NBPF11: variants seen among roughly 807,000 people sequenced by gnomAD.
NBPF11 encodes the protein NBPF member 11, also known as NBPF family member NBPF11.
NBPF11 carries 72 observed loss-of-function variants against 93.9 expected under a neutral mutation model. That is an observed-to-expected ratio of 0.77 (90% CI 0.63 to 0.93). NBPF11 has a LOEUF of 0.93. NBPF11 is among the 40% of genes least tolerant of loss of function. NBPF11 has a pLI of 0.00. For missense variants in NBPF11, 705 were observed against 802.2 expected, an observed-to-expected ratio of 0.88 and a Z score of 1.46; for synonymous variants, 224 against 304.9, an observed-to-expected ratio of 0.73 and a Z score of 2.76.
At chr1:148,149,788 TA>T (rs55994625) in intron 1 of NBPF11, among the ~76,000 whole-genome samples, 6,011 of 136,230 alleles carry the variant, frequency 0.044, 273 homozygotes, top group African/African-American at 0.11. Flanking sequence ...GATTTAAAAT[TA>T]AAAAAAAAAA....
intron 16 of NBPF11, 54 bp from the exon 17 acceptor site, chr1:148,109,389 CA>C (rs1664708796): frequency 1.1e-6 from 1 of 902,710 alleles, no homozygotes; most frequent in African/African-American, 1.7e-5. Flanking sequence ...TCCTTGCACA[CA>C]GAAACATTCC....
chr1:148,132,130 ATATG>A (rs1443032520), intron 4 of NBPF11, among the ~76,000 whole-genome samples: 1 of 139,658 alleles, frequency 7.2e-6, no homozygotes, highest in African/African-American at 2.8e-5. Context: ...TGCAATATAT[ATATG>A]TGTGTGTGTG....
rs1663576732 is a variant in NBPF11, at chr1:148,106,225, T to A, written c.2259A>T (p.Lys753Asn). Reference protein sequence around the residue: ...LGLALDVDRIKKDQEEEEDQG... With the variant: ...LGLALDVDRINKDQEEEEDQG... ...GGTCTTCTTCCTCTTCTTGGTCCTT[T>A]TTAATTCCTGCAATACATTCAGACA... The change falls in exon 21 of 24, where the codon AAA becomes AAT. Residue 753 changes from lysine (K) to asparagine (N), a missense_variant. Coordinates refer to ENST00000682118, the MANE Select transcript of NBPF11 (RefSeq NM_001385469.3). 3 of 840,464 alleles carry A rather than the reference T, an allele frequency of 3.6e-6. No individual in the cohort carries two copies. The African/African-American group carries it at 5.1e-5, about 14-fold the overall frequency. 52.1% of individuals were successfully genotyped at this position (840,464 alleles called of 1,614,324 possible).
intron 11 of NBPF11, 116 bp from the exon 12 acceptor site, chr1:148,117,902 A>T: frequency 6.6e-6 from 4 of 601,708 alleles, no homozygotes; most frequent in Non-Finnish European, 1.2e-5. Flanking sequence ...GCAGAAGGTC[A>T]GCACATGTTG....
intron 1 of NBPF11, among the ~76,000 whole-genome samples, chr1:148,146,093 C>T (rs1314788509): frequency 7.2e-5 from 11 of 151,902 alleles, no homozygotes; most frequent in African/African-American, 9.7e-5. Context: ...GACCGACGGA[C>T]GCACGGGCGG....
intron 8 of NBPF11, 56 bp downstream of exon 8, chr1:148,122,673 C>T: frequency 1.9e-6 from 3 of 1,601,464 alleles, no homozygotes; most frequent in Non-Finnish European, 2.6e-6. Flanking sequence ...GGGCGTGCCT[C>T]CTAGACATTT....
chr1:148,105,332 C>A (rs1416650594), intron 22 of NBPF11, 28 bp downstream of exon 22: 12 of 754,880 alleles, frequency 1.6e-5, no homozygotes, highest in African/African-American at 7.1e-5. Context: ...TCAGTGGATC[C>A]TTATCACCTT....
intron 9 of NBPF11, among the ~76,000 whole-genome samples, chr1:148,121,348 CTT>C (rs782740427): frequency 1.2e-3 from 152 of 124,824 alleles, no homozygotes; most frequent in African/African-American, 3.8e-3. Context: ...TGGTCAGAGA[CTT>C]TTTTTTTTTT....
rs1310647650 is a variant in NBPF11, at chr1:148,103,837, T to C, written c.*59A>G. On this transcript the variant is annotated 3_prime_UTR_variant, in exon 24 of 24. Transcript: ENST00000682118. ...AGTCAGGTAGTTCAAAGTACATTGA[T>C]GGAGTCGAATAATATCTATCCAGTG... The C allele has an allele frequency of 1.9e-5, 30 of 1,611,354 alleles. No homozygotes were observed. Among genetic ancestry groups the C allele is most frequent in the East Asian group, 4.5e-5 (2 of 44,896 alleles).
At chr1:148,146,143 G>T (rs1363208684) in intron 1 of NBPF11, among the ~76,000 whole-genome samples, 1 of 151,732 alleles carries the variant, frequency 6.6e-6, no homozygotes, top group Non-Finnish European at 1.5e-5. Flanking sequence ...GGGCCCGGGG[G>T]CGCGGGCCGG....
chr1:148,111,704 A>C (rs2149195616), intron 15 of NBPF11, among the ~76,000 whole-genome samples: 1 of 151,902 alleles, frequency 6.6e-6, no homozygotes, highest in East Asian at 1.9e-4. Context: ...AATTTAGAGA[A>C]AAAAGAGTAA....
In NBPF11 at chr1:148,152,186, C is replaced by G. The variant is rs1648555991; in HGVS notation, c.-985G>C. On this transcript the variant is annotated 5_prime_UTR_variant, in exon 1 of 24. Transcript: ENST00000682118. ...CACCAGCCCTTGACCCTGCAATTCG[C>G]TGATTTCCCCGGCCACTTGAACCGC... 1 of 152,244 alleles carries G rather than the reference C, an allele frequency of 6.6e-6. No individual in the cohort carries two copies. The highest frequency in any genetic ancestry group is 1.5e-5 in the Non-Finnish European group (1 of 68,172). The allele number at this position is 152,244 out of a possible 1,614,324, so 9.4% of individuals were successfully genotyped here.
Position 148,112,714 on chromosome 1 carries a change from C to T in NBPF11, c.1637+1723G>A, listed in dbSNP as rs28868035. On this transcript the variant is annotated intron_variant, in intron 15 of 23. Coordinates refer to ENST00000682118, the MANE Select transcript of NBPF11 (RefSeq NM_001385469.3). ...AAATGGTATTTCTAGTTCTAGATCC[C>T]TGAGGAATTGCCACACTGCCTTCCA... Among the ~76,000 whole-genome samples, 9 of 145,346 alleles carry T rather than the reference C, an allele frequency of 6.2e-5. No homozygotes were observed. The East Asian group carries it at 8.2e-4, about 13-fold the overall frequency.
At chr1:148,147,691 G>C (rs1366373050) in intron 1 of NBPF11, among the ~76,000 whole-genome samples, 1 of 151,952 alleles carries the variant, frequency 6.6e-6, no homozygotes, top group Non-Finnish European at 1.5e-5. Context: ...TAGGGAGGTG[G>C]GGTCGTCGTT....
chr1:148,149,640 G>A, intron 1 of NBPF11: 11 of 1,369,668 alleles, frequency 8.0e-6, no homozygotes, highest in Middle Eastern at 2.5e-4. Flanking sequence ...CCCCACCCAG[G>A]GGCTGCATGT....
intron 12 of NBPF11, among the ~76,000 whole-genome samples, chr1:148,116,975 T>C (rs1475419640): frequency 7.2e-5 from 11 of 152,204 alleles, no homozygotes; most frequent in Admixed American, 6.5e-5. Flanking sequence ...GCTTCTGCTG[T>C]GTTATTCAGG....
At chr1:148,120,374 C>T (rs1667543840) in intron 10 of NBPF11, 127 bp downstream of exon 10, 2 of 605,114 alleles carry the variant, frequency 3.3e-6, no homozygotes, top group Non-Finnish European at 6.2e-6. Context: ...TGTTAAAATA[C>T]CCATTTCTGT....
chr1:148,147,639 C>G (rs1431493531), intron 1 of NBPF11, among the ~76,000 whole-genome samples: 1 of 152,000 alleles, frequency 6.6e-6, no homozygotes, highest in African/African-American at 2.4e-5. Flanking sequence ...GTCTGACCTG[C>G]TCCCGCAGGG....
At chr1:148,144,582 C>T (rs1443266576) in intron 1 of NBPF11, among the ~76,000 whole-genome samples, 2 of 149,398 alleles carry the variant, frequency 1.3e-5, no homozygotes, top group South Asian at 4.2e-4. Flanking sequence ...TGAACACATA[C>T]AAAAAAAAAT....
Sources: gnomAD v4.1 joint callset for allele counts (sites outside exome capture counted in the v4.1 genomes callset) on GRCh38, gnomAD v4.1.1 for gene constraint, MANE v1.5 for transcripts, NCBI Gene and HGNC (gene_info 2026-07-23, HGNC 2026-07-21) for gene names.